The following DOCK1 variants were observed in gnomAD, a reference collection of about 807,000 sequenced individuals.
The protein encoded by DOCK1 is dedicator of cytokinesis protein 1.
Under a neutral mutation model 262.7 loss-of-function variants are expected in DOCK1, and 138 were observed. The ratio of observed to expected loss-of-function variants is 0.53; its 90% CI spans 0.46 to 0.61. The LOEUF is 0.61. Ranked by LOEUF, DOCK1 falls within the 20% of genes least tolerant of loss-of-function variation. The pLI is 0.00. For synonymous variants in DOCK1, 866 were observed against 867.4 expected, an observed-to-expected ratio of 1.00 and a Z score of 0.03; for missense variants, 1,908 against 2,370.7, an observed-to-expected ratio of 0.80 and a Z score of 4.05.
At chr10:127,419,790 G>A (rs1416527301) in intron 46 of DOCK1, 41 bp downstream of exon 46, 1 of 1,551,772 alleles carries the variant, frequency 6.4e-7, no homozygotes, top group Non-Finnish European at 8.7e-7. Flanking sequence ...TGGAGGGAAG[G>A]AAAGCTAGGA....
At chr10:127,008,662 C>T (rs918983358) in intron 10 of DOCK1, 70 bp from the exon 11 acceptor site, 12 of 1,303,080 alleles carry the variant, frequency 9.2e-6, no homozygotes, top group African/African-American at 2.9e-5. Context: ...TCTGATGTTC[C>T]TTTGTTTGTT....
chr10:127,116,244 T>G (rs2049172398), intron 25 of DOCK1, among the ~76,000 whole-genome samples: 1 of 152,180 alleles, frequency 6.6e-6, no homozygotes, highest in Admixed American at 6.5e-5. Flanking sequence ...TTGTAGACAG[T>G]GTTCATGAGT....
chr10:126,906,654 C>T (rs903086695), intron 1 of DOCK1, among the ~76,000 whole-genome samples: 1 of 152,210 alleles, frequency 6.6e-6, no homozygotes, highest in East Asian at 1.9e-4. Flanking sequence ...CAGCCCCGCG[C>T]CCATTCTGTG....
At chr10:126,927,401 C>T (rs962899510) in intron 1 of DOCK1, among the ~76,000 whole-genome samples, 1 of 152,150 alleles carries the variant, frequency 6.6e-6, no homozygotes, top group African/African-American at 2.4e-5. Context: ...CTGATGATCT[C>T]TTCCTTTCTT....
At chr10:127,431,396 A>G (rs1273927288) in intron 47 of DOCK1, among the ~76,000 whole-genome samples, 1 of 152,164 alleles carries the variant, frequency 6.6e-6, no homozygotes, top group Non-Finnish European at 1.5e-5. Flanking sequence ...TCCTCCTGCC[A>G]ACCCCCTTCC....
At chr10:126,906,758 C>G (rs1425016249) in intron 1 of DOCK1, among the ~76,000 whole-genome samples, 1 of 152,304 alleles carries the variant, frequency 6.6e-6, no homozygotes, top group East Asian at 1.9e-4. Context: ...CCCTTGTCCC[C>G]GGAGCGCTCT....
At chr10:127,263,337 A>G (rs2060240774) in intron 29 of DOCK1, among the ~76,000 whole-genome samples, 1 of 152,272 alleles carries the variant, frequency 6.6e-6, no homozygotes. Flanking sequence ...CCTGCCATAT[A>G]TGTGTATATA....
intron 27 of DOCK1, among the ~76,000 whole-genome samples, chr10:127,216,309 TAA>T (rs57559331): frequency 2.8e-3 from 396 of 141,142 alleles, no homozygotes; most frequent in Middle Eastern, 7.2e-3. Flanking sequence ...GATAATTTAG[TAA>T]AAAAAAAAAA....
chr10:127,305,371 G>T (rs1288680328), intron 29 of DOCK1, among the ~76,000 whole-genome samples: 2 of 152,152 alleles, frequency 1.3e-5, no homozygotes, highest in Non-Finnish European at 2.9e-5. Flanking sequence ...ACTGGTCAGT[G>T]GTCAGTGTAT....
chr10:126,912,932 T>G (rs191832316), intron 1 of DOCK1, among the ~76,000 whole-genome samples: 1 of 152,252 alleles, frequency 6.6e-6, no homozygotes, highest in African/African-American at 2.4e-5. Flanking sequence ...CAGTATGATT[T>G]TGATAACATA....
chr10:127,301,089 A>G (rs1023328422), intron 29 of DOCK1, among the ~76,000 whole-genome samples: 3 of 152,238 alleles, frequency 2.0e-5, no homozygotes, highest in African/African-American at 7.2e-5. Flanking sequence ...GCATCAGTGC[A>G]ATCAGAGCTC....
rs188943414 is a variant in DOCK1, at chr10:127,015,624, C to G, written c.1202-3086C>G. On this transcript the variant is annotated intron_variant, in intron 12 of 51. Transcript: ENST00000623213. The stretch of plus-strand genomic sequence containing the variant: ...GTTGTGCCTGCAAGGGGCACCGTCT[C>G]TGTAAGCTGCGCCTCCTCCTACCCC... Among the ~76,000 whole-genome samples the G allele has an allele frequency of 7.2e-5, 11 of 152,280 alleles. No individual in the cohort carries two copies. The East Asian group carries it at 1.4e-3, about 19-fold the overall frequency.
At chr10:126,982,555 C>CT (rs1246293055) in intron 4 of DOCK1, among the ~76,000 whole-genome samples, 3 of 152,106 alleles carry the variant, frequency 2.0e-5, no homozygotes, top group Non-Finnish European at 2.9e-5. Flanking sequence ...AAAATGTTTT[C>CT]TTTTTTTGTC....
intron 29 of DOCK1, among the ~76,000 whole-genome samples, chr10:127,289,985 G>A (rs1006920790): frequency 6.7e-6 from 1 of 150,192 alleles, no homozygotes; most frequent in Non-Finnish European, 1.5e-5. Flanking sequence ...ATAATCTGCT[G>A]GTAAATTCAT....
chr10:126,908,378 G>C (rs75359032), intron 1 of DOCK1, among the ~76,000 whole-genome samples: 1 of 152,298 alleles, frequency 6.6e-6, no homozygotes, highest in East Asian at 1.9e-4. Flanking sequence ...CAACAGGGCT[G>C]TGTTTCCCTG....
At chr10:127,079,030 A>T (rs934037684) in intron 23 of DOCK1, among the ~76,000 whole-genome samples, 1 of 152,230 alleles carries the variant, frequency 6.6e-6, no homozygotes, top group Non-Finnish European at 1.5e-5. Flanking sequence ...AAACAGCTGA[A>T]TTATAAATTG....
At chr10:127,129,139 C>T (rs1592135751) in intron 27 of DOCK1, among the ~76,000 whole-genome samples, 2 of 152,096 alleles carry the variant, frequency 1.3e-5, no homozygotes, top group South Asian at 4.2e-4. Flanking sequence ...CAGAGGACTC[C>T]GTGTCGTGTG....
Position 127,418,409 on chromosome 10 carries a change from G to C in DOCK1, c.4560G>C (p.Leu1520=), listed in dbSNP as rs754066094. ...AGAATGCCATTGAGACCATGCAGCTGACGAACGACAAGATCAACAGCATGG... is the reference window on the plus strand; with the variant it reads ...AGAATGCCATTGAGACCATGCAGCTCACGAACGACAAGATCAACAGCATGG... ...PLENAIETMQ[L]TNDKINSMVQ... Residue 1520 remains leucine, a synonymous_variant, in exon 45 of 52, where the codon CTG becomes CTC. Transcript: ENST00000623213. 1 of 1,613,800 alleles carries C rather than the reference G, an allele frequency of 6.2e-7. No homozygotes were observed. The highest frequency in any genetic ancestry group is 1.1e-5 in the South Asian group (1 of 91,050).
chr10:127,302,823 A>G (rs529901392), intron 29 of DOCK1, among the ~76,000 whole-genome samples: 2 of 150,820 alleles, frequency 1.3e-5, no homozygotes, highest in Non-Finnish European at 2.9e-5. Flanking sequence ...ACACTTCAAA[A>G]TGGGTGAGAA....
Sources: gnomAD v4.1 joint callset for allele counts (sites outside exome capture counted in the v4.1 genomes callset) on GRCh38, gnomAD v4.1.1 for gene constraint, MANE v1.5 for transcripts, NCBI Gene and HGNC (gene_info 2026-07-23, HGNC 2026-07-21) for gene names.